The following NCKAP5 variants were observed in gnomAD, a reference collection of about 807,000 sequenced individuals.
NCKAP5 encodes the protein nck-associated protein 5.
In NCKAP5, 92 loss-of-function variants were observed where a neutral mutation model predicts 167.0. That is an observed-to-expected ratio of 0.55 (90% CI 0.47 to 0.66). NCKAP5 has a LOEUF of 0.66. Among genes scored for constraint, NCKAP5 ranks in the 30% least tolerant of loss-of-function variants. The probability of loss-of-function intolerance (pLI) is 0.00; values close to 1 mark genes in which losing one functional copy is unlikely to be tolerated. For synonymous variants in NCKAP5, 891 were observed against 877.4 expected, an observed-to-expected ratio of 1.02 and a Z score of -0.27; for missense variants, 2,378 against 2,315.0, an observed-to-expected ratio of 1.03 and a Z score of -0.56.
intron 5 of NCKAP5, among the ~76,000 whole-genome samples, chr2:133,132,253 A>G (rs1032183149): frequency 6.6e-6 from 1 of 150,722 alleles, no homozygotes; most frequent in African/African-American, 2.4e-5. Flanking sequence ...CACCACTGCA[A>G]TCCAGCATGG....
chr2:133,171,259 C>A (rs924090135), intron 5 of NCKAP5, among the ~76,000 whole-genome samples: 1 of 152,122 alleles, frequency 6.6e-6, no homozygotes, highest in Non-Finnish European at 1.5e-5. Flanking sequence ...AGAAGTAGGC[C>A]ATTACATGCT....
In NCKAP5 at chr2:133,559,330, C is replaced by A. The variant is rs189833101; in HGVS notation, c.-129-213G>T. ...TCATACACATTTAATAAATACTGGG[C>A]AAAATCGCTGCTGATTTTTTAAGAA... is the stretch of plus-strand genomic sequence containing the variant. On this transcript the variant is annotated intron_variant, in intron 1 of 19. Coordinates refer to ENST00000409261, the MANE Select transcript of NCKAP5 (RefSeq NM_207363.3). 3.8e-3 allele frequency among the ~76,000 whole-genome samples: 581 copies of A among 152,140 alleles called. 6 individuals are homozygous for A. Among genetic ancestry groups the A allele is most frequent in the African/African-American group, 0.013 (553 of 41,508 alleles).
In NCKAP5 at chr2:132,860,566, A is replaced by T; in HGVS notation, c.733T>A (p.Leu245Met). Residue 245 changes from leucine to methionine, a missense_variant, in exon 11 of 20, where the codon TTG (leucine) becomes ATG (methionine). By Grantham distance (15) the Leu-to-Met change is conservative. This residue lies in a region of NCKAP5 where 1,049 missense variants were observed against 1,023.4 expected (regional missense o/e 1.02). Coordinates refer to ENST00000409261, the MANE Select transcript of NCKAP5 (RefSeq NM_207363.3). ...CVKLKTRVFD[L>M]EQQNRTLSIL... is the part of the protein sequence containing the mutation. ...CTTAGTGTTCGATTCTGCTGTTCCA[A>T]ATCAAACACTCTTGTTTTCAACTTC... The T allele has an allele frequency of 6.3e-7, 1 of 1,586,148 alleles. No homozygotes were observed. The highest frequency in any genetic ancestry group is 8.6e-7 in the Non-Finnish European group (1 of 1,164,206).
Position 132,836,463 on chromosome 2 carries a change from A to AT in NCKAP5, c.807+24028dup, listed in dbSNP as rs1401591747. 4.1e-4 allele frequency among the ~76,000 whole-genome samples: 61 copies of AT among 147,740 alleles called. 1 individual carries two copies. The highest frequency in any genetic ancestry group is 1.4e-3 in the African/African-American group (57 of 39,914). On this transcript the variant is annotated intron_variant, in intron 11 of 19. Transcript: ENST00000409261. ...GGTGTTTTTTTTTTCTGAAAATGTG[A>AT]TTTTTTTCCTTGAAAACCTGTATGT...
At chr2:133,560,060 A>G (rs2105012912) in intron 1 of NCKAP5, among the ~76,000 whole-genome samples, 1 of 152,314 alleles carries the variant, frequency 6.6e-6, no homozygotes, top group South Asian at 2.1e-4. Flanking sequence ...TTCTTGTACT[A>G]TGGGGAATAA....
the NCKAP5 span, among the ~76,000 whole-genome samples, chr2:133,616,000 C>G: frequency 6.7e-6 from 1 of 150,214 alleles, no homozygotes; most frequent in Non-Finnish European, 1.5e-5. Context: ...AAGAATCTCA[C>G]TCAAAACCGC....
chr2:132,742,464 T>G (rs1007336278), intron 16 of NCKAP5, among the ~76,000 whole-genome samples: 17 of 152,056 alleles, frequency 1.1e-4, no homozygotes, highest in African/African-American at 3.9e-4. Context: ...TTAAAGATAT[T>G]TACAGGAGCA....
chr2:133,428,939 A>G (rs548595010), intron 3 of NCKAP5, among the ~76,000 whole-genome samples: 1 of 152,318 alleles, frequency 6.6e-6, no homozygotes, highest in East Asian at 1.9e-4. Context: ...TGAAGTTCCT[A>G]TAATTTTTTT....
intron 8 of NCKAP5, among the ~76,000 whole-genome samples, chr2:132,938,264 G>A (rs775469968): frequency 1.2e-4 from 18 of 152,134 alleles, no homozygotes; most frequent in African/African-American, 3.6e-4. Context: ...AGGAATCAGA[G>A]GATACAGTAG....
intron 1 of NCKAP5, among the ~76,000 whole-genome samples, chr2:133,562,658 T>C (rs953784143): frequency 6.6e-6 from 1 of 152,210 alleles, no homozygotes; most frequent in Non-Finnish European, 1.5e-5. Flanking sequence ...CTCTTTCCTC[T>C]TGAACTCAGT....
At chr2:133,623,666 T>C in the NCKAP5 span, among the ~76,000 whole-genome samples, 1 of 149,540 alleles carries the variant, frequency 6.7e-6, no homozygotes. Flanking sequence ...ATGGATGCAG[T>C]GAAAAGGGAA....
At chr2:133,593,613 G>A in the NCKAP5 span, among the ~76,000 whole-genome samples, 1 of 152,148 alleles carries the variant, frequency 6.6e-6, no homozygotes, top group South Asian at 2.1e-4. Context: ...TGCTATGGGT[G>A]GCAGAGAGCC....
chr2:133,137,855 C>T (rs1158549782), intron 5 of NCKAP5, among the ~76,000 whole-genome samples: 2 of 152,210 alleles, frequency 1.3e-5, no homozygotes, highest in African/African-American at 4.8e-5. Flanking sequence ...CCTCCTTGGC[C>T]AGTTGCCATG....
Position 132,764,440 on chromosome 2 carries a change from T to G in NCKAP5, c.5128+9376A>C, listed in dbSNP as rs146309886. Among the ~76,000 whole-genome samples, 490 of 152,324 alleles carry G rather than the reference T, an allele frequency of 3.2e-3. 3 individuals carry two copies. The highest frequency in any genetic ancestry group is 0.011 in the African/African-American group (457 of 41,578). On this transcript the variant is annotated intron_variant, in intron 16 of 19. Coordinates refer to ENST00000409261, the MANE Select transcript of NCKAP5 (RefSeq NM_207363.3). ...CCCTTTTGAGTTTATCACTTATAGT[T>G]AGTTATAAGTGGGTGAACTCAGTGC...
chr2:132,911,468 A>G (rs1694446802), intron 8 of NCKAP5, among the ~76,000 whole-genome samples: 1 of 152,150 alleles, frequency 6.6e-6, no homozygotes, highest in South Asian at 2.1e-4. Flanking sequence ...TTTTAAGTTT[A>G]TGCCTCTCTT....
chr2:133,413,528 G>A (rs1684294621), intron 3 of NCKAP5, among the ~76,000 whole-genome samples: 1 of 151,994 alleles, frequency 6.6e-6, no homozygotes. Context: ...GGGGAAGGAG[G>A]GAAGGGTGCC....
chr2:133,518,555 C>T (rs748539283), intron 2 of NCKAP5, among the ~76,000 whole-genome samples: 1 of 151,336 alleles, frequency 6.6e-6, no homozygotes, highest in Non-Finnish European at 1.5e-5. Context: ...AGGGTTTCAC[C>T]GTGTTAGCCA....
chr2:133,128,736 T>C (rs1056603894), intron 6 of NCKAP5, among the ~76,000 whole-genome samples: 2 of 152,118 alleles, frequency 1.3e-5, no homozygotes, highest in African/African-American at 4.8e-5. Context: ...TAGCTGGGAA[T>C]ACAGGCACCT....
intron 16 of NCKAP5, among the ~76,000 whole-genome samples, chr2:132,735,801 C>G (rs568981583): frequency 1.1e-3 from 174 of 152,294 alleles, no homozygotes; most frequent in Middle Eastern, 0.01. Flanking sequence ...ACACGTTTGT[C>G]TAACCTATAA....
Sources: gnomAD v4.1 joint callset for allele counts (sites outside exome capture counted in the v4.1 genomes callset) on GRCh38, gnomAD v4.1.1 for gene constraint, gnomAD v4.1.1 regional missense constraint, MANE v1.5 for transcripts, NCBI Gene and HGNC (gene_info 2026-07-23, HGNC 2026-07-21) for gene names.